Variants in RTN1 observed in about 807,000 individuals in gnomAD.
RTN1 encodes the protein reticulon 1.
A neutral mutation model predicts 65.5 loss-of-function variants in RTN1; 25 were observed. That is an observed-to-expected ratio of 0.38 (90% CI 0.28 to 0.53). RTN1 has a LOEUF of 0.53. RTN1 is among the 20% of genes least tolerant of loss of function. The pLI is 0.79. For missense variants in RTN1, 983 were observed against 1,025.4 expected (o/e 0.96, Z 0.57); for synonymous variants, 471 against 447.6 (o/e 1.05, Z -0.66).
chr14:59,770,731 A>G (rs1338100164), intron 1 of RTN1, among the ~76,000 whole-genome samples: 3 of 152,184 alleles, frequency 2.0e-5, no homozygotes. Flanking sequence ...CATTTCCCTG[A>G]AGGCTTTACT....
At chr14:59,805,858 G>T (rs1177346617) in intron 1 of RTN1, among the ~76,000 whole-genome samples, 1 of 152,116 alleles carries the variant, frequency 6.6e-6, no homozygotes, top group Non-Finnish European at 1.5e-5. Context: ...CTTTCATTTT[G>T]TTTACTGAAT....
chr14:59,761,949 G>T (rs1158646504), intron 1 of RTN1, among the ~76,000 whole-genome samples: 1 of 152,196 alleles, frequency 6.6e-6, no homozygotes, highest in Non-Finnish European at 1.5e-5. Context: ...AGCAAATGAG[G>T]ATGACAACTA....
In RTN1 at chr14:59,870,234, C is replaced by G. The variant is rs1429019528; in HGVS notation, c.241+156G>C. Among the ~76,000 whole-genome samples the G allele has an allele frequency of 6.6e-6, 1 of 152,230 alleles. No individual in the cohort carries two copies. Among genetic ancestry groups the G allele is most frequent in the Non-Finnish European group, 1.5e-5 (1 of 68,036 alleles). On this transcript the variant is annotated intron_variant, in intron 1 of 8. Coordinates refer to ENST00000267484, the MANE Select transcript of RTN1 (RefSeq NM_021136.3). The surrounding 1 kb of genome is among the most constrained non-coding windows in gnomAD (Gnocchi z 5.1). ...ATAAAATTGTTGTTTTCTACCAGCC[C>G]GCGAATATTCCCAGTCGCCCGTGGC...
intron 1 of RTN1, among the ~76,000 whole-genome samples, chr14:59,764,622 G>A (rs1353029757): frequency 2.0e-5 from 3 of 151,902 alleles, no homozygotes; most frequent in African/African-American, 4.8e-5. Flanking sequence ...GCGCCCAGCC[G>A]TGAAATTTTA....
At position 59,833,123 on chromosome 14, in the gene RTN1, T is replaced by C. The variant is rs142527041; in HGVS notation, c.241+37267A>G. ...GAAAGCACTCTAAAATGATTACACA[T>C]CAGGAAGCATCTTTATAACTGAGGC... On this transcript the variant is annotated intron_variant, in intron 1 of 8. Coordinates refer to ENST00000267484, the MANE Select transcript of RTN1 (RefSeq NM_021136.3). Among the ~76,000 whole-genome samples, 778 of 152,248 alleles carry C rather than the reference T, an allele frequency of 5.1e-3. 1 individual carries two copies. Among genetic ancestry groups the C allele is most frequent in the Non-Finnish European group, 8.2e-3 (558 of 68,020 alleles).
intron 3 of RTN1, among the ~76,000 whole-genome samples, chr14:59,611,822 T>G (rs1292171115): frequency 1.3e-5 from 2 of 152,182 alleles, no homozygotes; most frequent in Non-Finnish European, 2.9e-5. Context: ...TGGAAGGCCT[T>G]CTGTCCATCT....
At chr14:59,784,401 A>T (rs139810341) in intron 1 of RTN1, among the ~76,000 whole-genome samples, 1 of 151,606 alleles carries the variant, frequency 6.6e-6, no homozygotes, top group Non-Finnish European at 1.5e-5. Flanking sequence ...AGATCGTGCC[A>T]TTACACTCCA....
At chr14:59,676,264 C>T (rs1484812611) in intron 3 of RTN1, among the ~76,000 whole-genome samples, 2 of 152,182 alleles carry the variant, frequency 1.3e-5, no homozygotes, top group African/African-American at 4.8e-5. Flanking sequence ...TGCACAGAAG[C>T]TGTAAAAATT....
At position 59,766,437 on chromosome 14, in the gene RTN1, T is replaced by C. The variant is rs1034862775; in HGVS notation, c.242-19956A>G. Among the ~76,000 whole-genome samples, 9 of 152,166 alleles carry C rather than the reference T, an allele frequency of 5.9e-5. No individual in the cohort carries two copies. Among genetic ancestry groups the C allele is most frequent in the African/African-American group, 2.2e-4 (9 of 41,414 alleles). On this transcript the variant is annotated intron_variant, in intron 1 of 8. Coordinates refer to ENST00000267484, the MANE Select transcript of RTN1 (RefSeq NM_021136.3). The surrounding 1 kb of genome is among the most constrained non-coding windows in gnomAD (Gnocchi z 4.4). Reference sequence around the variant, plus strand: ...ATTATTTTTGCCCCAAACTCATATATATTGTTCAACGTATTATTTTCTACT... The same window carrying C: ...ATTATTTTTGCCCCAAACTCATATACATTGTTCAACGTATTATTTTCTACT...
At chr14:59,806,106 C>T (rs984968921) in intron 1 of RTN1, among the ~76,000 whole-genome samples, 2 of 151,814 alleles carry the variant, frequency 1.3e-5, no homozygotes, top group Admixed American at 6.6e-5. Flanking sequence ...CATGGTGGTG[C>T]GTGCCTGTAG....
At position 59,870,711 on chromosome 14, in the gene RTN1, C is replaced by G. The variant is rs1409916529; in HGVS notation, c.-81G>C. ...CTGCGCGGGCGCTCCCTGCTGCTGT[C>G]CCCGGAGGGACTCGGCGCTCAGGGA... is the stretch of plus-strand genomic sequence containing the variant. On this transcript the variant is annotated 5_prime_UTR_variant, in exon 1 of 9. Coordinates refer to ENST00000267484, the MANE Select transcript of RTN1 (RefSeq NM_021136.3). This position sits in a 1 kb window ranked among gnomAD's most constrained non-coding sequence, Gnocchi z 5.1. The G allele has an allele frequency of 1.6e-6, 2 of 1,266,758 alleles. No individual in the cohort carries two copies. The highest frequency in any genetic ancestry group is 2.0e-6 in the Non-Finnish European group (2 of 1,007,730). The allele number at this position is 1,266,758 out of a possible 1,614,324, so 78.5% of individuals were successfully genotyped here.
rs1233391520 is a variant in RTN1, at chr14:59,870,449, C to T, written c.182G>A (p.Arg61Gln). 1 of 1,505,260 alleles carries T rather than the reference C, an allele frequency of 6.6e-7. No homozygotes were observed. The highest frequency in any genetic ancestry group is 8.8e-7 in the Non-Finnish European group (1 of 1,137,600). 93.2% of individuals were successfully genotyped at this position (1,505,260 alleles called of 1,614,324 possible). A position where few individuals can be genotyped will look rare whatever the true frequency, so the allele number is the denominator to read the frequency against. Reference sequence around the variant, plus strand: ...CCGGGCGGGGCCCGAGCCGGCTTCCCGCGACGCCGCTTCCCGGGCCCTGGC... The same window carrying T: ...CCGGGCGGGGCCCGAGCCGGCTTCCTGCGACGCCGCTTCCCGGGCCCTGGC... ...LGARAREAASREAGSGPARQS... is the reference protein window; with the variant it reads ...LGARAREAASQEAGSGPARQS... The change falls in exon 1 of 9, where the codon CGG (arginine) becomes CAG (glutamine). Residue 61 changes from arginine (R) to glutamine (Q), a missense_variant. By Grantham distance (43) the Arg-to-Gln change is conservative (BLOSUM62 1). Around this residue, in one of 2 missense-constraint regions of RTN1, gnomAD observed 818 missense variants for 801.8 expected, o/e 1.02. Transcript: ENST00000267484. The surrounding 1 kb of genome is among the most constrained non-coding windows in gnomAD (Gnocchi z 5.1).
At chr14:59,814,501 T>A (rs952100354) in intron 1 of RTN1, among the ~76,000 whole-genome samples, 5 of 152,214 alleles carry the variant, frequency 3.3e-5, no homozygotes, top group African/African-American at 1.2e-4. Flanking sequence ...GCAGCTTCTC[T>A]GGAAAGGCAG....
chr14:59,605,228 C>A, intron 5 of RTN1, 140 bp downstream of exon 5: 2 of 786,752 alleles, frequency 2.5e-6, no homozygotes, highest in Admixed American at 2.9e-5. Flanking sequence ...GTTCATGGTG[C>A]CATACAACTG....
At chr14:59,780,771 A>G (rs898652828) in intron 1 of RTN1, among the ~76,000 whole-genome samples, 22 of 152,224 alleles carry the variant, frequency 1.4e-4, no homozygotes, top group African/African-American at 1.2e-4. Context: ...AGTGAATCCA[A>G]TTGTATCATA....
At chr14:59,838,255 G>A (rs753349354) in intron 1 of RTN1, among the ~76,000 whole-genome samples, 1 of 152,100 alleles carries the variant, frequency 6.6e-6, no homozygotes, top group East Asian at 1.9e-4. Context: ...GCCTTCAGCC[G>A]CATCTATGCT....
At chr14:59,859,795 C>T (rs1566750805) in intron 1 of RTN1, among the ~76,000 whole-genome samples, 1 of 152,160 alleles carries the variant, frequency 6.6e-6, no homozygotes, top group Non-Finnish European at 1.5e-5. Context: ...AAAGGTAACT[C>T]TTGTTATGCT....
At position 59,656,296 on chromosome 14, in the gene RTN1, T is replaced by C. The variant is rs1229456778; in HGVS notation, c.1766-48804A>G. ...AATGTTTTGAAATCACATAACTGCA[T>C]AACTTTGTGAATATGCTAAAAACTA... On this transcript the variant is annotated intron_variant, in intron 3 of 8. Transcript: ENST00000267484. Among the ~76,000 whole-genome samples the C allele has an allele frequency of 3.3e-5, 5 of 152,204 alleles. No homozygotes were observed. In the South Asian group the frequency reaches 1.0e-3, roughly 32 times the overall value.
intron 1 of RTN1, among the ~76,000 whole-genome samples, chr14:59,751,117 T>C (rs1179674333): frequency 6.6e-6 from 1 of 151,914 alleles, no homozygotes; most frequent in African/African-American, 2.4e-5. Context: ...GATACTTCAT[T>C]TAGCAAGTGA....
Sources: gnomAD v4.1 joint callset for allele counts (sites outside exome capture counted in the v4.1 genomes callset) on GRCh38, gnomAD v4.1.1 for gene constraint, gnomAD v4.1.1 regional missense constraint, Gnocchi (gnomAD v3.1) non-coding constraint, MANE v1.5 for transcripts, NCBI Gene and HGNC (gene_info 2026-07-23, HGNC 2026-07-21) for gene names.